The following GINM1 variants were observed in gnomAD, a reference collection of about 807,000 sequenced individuals.
GINM1 encodes glycoprotein integral membrane protein 1.
Under a neutral mutation model 37.8 loss-of-function variants are expected in GINM1, and 29 were observed. The ratio of observed to expected loss-of-function variants is 0.77; its 90% CI spans 0.57 to 1.05. The LOEUF is 1.05. GINM1 is among the 50% of genes least tolerant of loss of function. The pLI, the probability that GINM1 is intolerant of heterozygous loss-of-function variation, is 0.00. For synonymous variants in GINM1, 143 were observed against 146.2 expected, an observed-to-expected ratio of 0.98 and a Z score of 0.16; for missense variants, 377 against 397.9, an observed-to-expected ratio of 0.95 and a Z score of 0.45.
chr6:149,591,013 G>A lies in GINM1; in HGVS notation c.*175G>A, dbSNP rs1023925635. Reference sequence around the variant, plus strand: ...CCAAGTTAAAGTTTACCTTATTCTCGGCCGGGTGCAGTGGCTCATGCCTGT... The same window carrying A: ...CCAAGTTAAAGTTTACCTTATTCTCAGCCGGGTGCAGTGGCTCATGCCTGT... On this transcript the variant is annotated 3_prime_UTR_variant, in exon 8 of 8. Coordinates refer to ENST00000367419, the MANE Select transcript of GINM1 (RefSeq NM_138785.5). 20 of 532,390 alleles carry A rather than the reference G, an allele frequency of 3.8e-5. 1 individual carries two copies. Among genetic ancestry groups the A allele is most frequent in the South Asian group, 9.6e-5 (4 of 41,758 alleles). The allele number at this position is 532,390 out of a possible 1,614,324, so 33.0% of individuals were successfully genotyped here. A position where few individuals can be genotyped will look rare whatever the true frequency, so the allele number is the denominator to read the frequency against.
At chr6:149,569,336 A>C (rs1418989775) in intron 1 of GINM1, among the ~76,000 whole-genome samples, 77 of 96,580 alleles carry the variant, frequency 8.0e-4, no homozygotes, top group Non-Finnish European at 1.4e-3. Context: ...GCGCCCGGTC[A>C]CTTTTTTTTT....
chr6:149,582,764 C>A (rs184009949), intron 7 of GINM1, among the ~76,000 whole-genome samples, 161 bp downstream of exon 7: 8 of 152,196 alleles, frequency 5.3e-5, no homozygotes, highest in Admixed American at 5.2e-4. Flanking sequence ...CCAATGTTAG[C>A]AAAATTGAAA....
intron 3 of GINM1, chr6:149,576,271 T>A (rs1777912909): frequency 6.6e-6 from 1 of 152,164 alleles, no homozygotes; most frequent in African/African-American, 2.4e-5. Context: ...GTTGAAGGTC[T>A]TCCTCAGTTC....
chr6:149,574,099 G>T (rs1777873560), intron 3 of GINM1, among the ~76,000 whole-genome samples: 1 of 145,242 alleles, frequency 6.9e-6, no homozygotes, highest in Admixed American at 7.0e-5. Context: ...TGTCCAGGCT[G>T]GAATGCAGTG....
At chr6:149,567,383 T>C (rs934861646) in intron 1 of GINM1, among the ~76,000 whole-genome samples, 13 of 152,194 alleles carry the variant, frequency 8.5e-5, no homozygotes, top group African/African-American at 3.1e-4. Flanking sequence ...GGTACACCTC[T>C]TCCTAGTCAA....
chr6:149,583,486 T>C lies in GINM1; in HGVS notation c.881+883T>C, dbSNP rs1778029486. 4.0e-5 allele frequency among the ~76,000 whole-genome samples: 6 copies of C among 151,296 alleles called. No homozygotes were observed. In the South Asian group the frequency reaches 1.0e-3, roughly 26 times the overall value. ...TCAAAAAATAAAAATAAAAACTAGC[T>C]GGGCGTGTGGCACCCATCTGTAGTC... On this transcript the variant is annotated intron_variant, in intron 7 of 7. Transcript: ENST00000367419.
chr6:149,577,573 T>G (rs1285966726), intron 3 of GINM1: 2 of 152,336 alleles, frequency 1.3e-5, no homozygotes, highest in Non-Finnish European at 2.9e-5. Context: ...TCTGAATGGT[T>G]TGGCGGCGGG....
Position 149,566,622 on chromosome 6 carries a change from A to G in GINM1, c.120+88A>G. 3 of 1,356,302 alleles carry G rather than the reference A, an allele frequency of 2.2e-6. No homozygotes were observed. Among genetic ancestry groups the G allele is most frequent in the Non-Finnish European group, 1.9e-6 (2 of 1,050,842 alleles). 84.0% of individuals were successfully genotyped at this position (1,356,302 alleles called of 1,614,324 possible). A position where few individuals can be genotyped will look rare whatever the true frequency, so the allele number is the denominator to read the frequency against. The stretch of plus-strand genomic sequence containing the variant: ...TCCACAGTGACGCTTCCCACATCCC[A>G]CCGGCGGGCAGGGGCGGGGGTCCGG... On this transcript the variant is annotated intron_variant, in intron 1 of 7. Transcript: ENST00000367419. This position sits in a 1 kb window ranked among gnomAD's most constrained non-coding sequence, Gnocchi z 4.4.
intron 1 of GINM1, among the ~76,000 whole-genome samples, chr6:149,571,300 G>A (rs1057041783): frequency 2.8e-5 from 4 of 142,202 alleles, no homozygotes; most frequent in African/African-American, 8.1e-5. Context: ...GCAACAGAGC[G>A]AGACTCCCTC....
rs1324462711 is a variant in GINM1 at position 149,582,593 on chromosome 6, T to A, written c.871T>A (p.Ser291Thr). 2 of 1,576,062 alleles carry A rather than the reference T, an allele frequency of 1.3e-6. No individual in the cohort carries two copies. ...ITILKVFFPV[S>T]EYKGILQLDK... ...CATCTTAAAGGTGTTTTTCCCAGTT[T>A]CTGAATACAAGTAAGTATTTCTTAT... is the stretch of plus-strand genomic sequence containing the variant. The change falls in exon 7 of 8, where the codon TCT (serine) becomes ACT (threonine). Residue 291 changes from serine to threonine, a missense_variant. Transcript: ENST00000367419.
intron 1 of GINM1, among the ~76,000 whole-genome samples, chr6:149,570,459 A>G (rs35515786): frequency 0.027 from 4,058 of 152,026 alleles, 163 homozygotes; most frequent in African/African-American, 0.092. Context: ...GATCAAGGTG[A>G]GCCAGGAAAA....
intron 7 of GINM1, among the ~76,000 whole-genome samples, chr6:149,586,760 C>T (rs1377628907): frequency 6.6e-6 from 1 of 151,768 alleles, no homozygotes; most frequent in South Asian, 2.1e-4. Context: ...TTTTTTATTA[C>T]TTATTTTTGA....
intron 7 of GINM1, among the ~76,000 whole-genome samples, chr6:149,584,125 G>A (rs558434450): frequency 1.6e-3 from 237 of 152,104 alleles, no homozygotes; most frequent in African/African-American, 5.3e-3. Flanking sequence ...ACAGGCATGC[G>A]CCACCTTGCT....
chr6:149,583,104 G>A (rs1778024808), intron 7 of GINM1, among the ~76,000 whole-genome samples: 1 of 152,036 alleles, frequency 6.6e-6, no homozygotes, highest in East Asian at 1.9e-4. Flanking sequence ...CAAGGCAGGT[G>A]GATCATGAGG....
rs761125598 is a variant in GINM1 at position 149,572,580 on chromosome 6, G to A, written c.254G>A (p.Arg85Gln). The A allele has an allele frequency of 1.6e-5, 25 of 1,594,788 alleles. No individual in the cohort carries two copies. Among genetic ancestry groups the A allele is most frequent in the Non-Finnish European group, 2.1e-5 (24 of 1,163,468 alleles). The stretch of plus-strand genomic sequence containing the variant: ...TTACCTGTAAATAGTGGTGTAACCC[G>A]AATAAGCTGTCAGACTTTGATAGGT... ...NDLPVNSGVT[R>Q]ISCQTLIVKN... The change falls in exon 3 of 8, where the codon CGA becomes CAA. Residue 85 changes from arginine (R) to glutamine (Q), a missense_variant. Transcript: ENST00000367419.
intron 1 of GINM1, among the ~76,000 whole-genome samples, chr6:149,570,182 AT>A (rs1777794575): frequency 1.9e-5 from 2 of 106,588 alleles, no homozygotes; most frequent in Non-Finnish European, 3.9e-5. Context: ...ATATATATAT[AT>A]ATATATATAT....
At chr6:149,579,788 C>CATAAAATTTTTTA (rs749675442) in intron 4 of GINM1, 46 bp from the exon 5 acceptor site, 1 of 1,230,350 alleles carries the variant, frequency 8.1e-7, no homozygotes. Flanking sequence ...TTTTATGGGG[C>CATAAAATTTTTTA]TGTGCTACTA....
At chr6:149,583,435 T>G (rs898014452) in intron 7 of GINM1, among the ~76,000 whole-genome samples, 6 of 151,272 alleles carry the variant, frequency 4.0e-5, no homozygotes, top group Admixed American at 2.0e-4. Context: ...TGCACTCCAG[T>G]CTGGGCGACA....
At chr6:149,570,134 TTTTATATATATATATATATATATA>T (rs1422056727) in intron 1 of GINM1, among the ~76,000 whole-genome samples, 83 of 96,132 alleles carry the variant, frequency 8.6e-4, no homozygotes, top group Middle Eastern at 5.1e-3. Flanking sequence ...ACTAGGTAGG[TTTTATATATATATATATATATATA>T]TATATATATA....
Sources: allele counts gnomAD v4.1 joint callset (sites outside exome capture counted in the v4.1 genomes callset), GRCh38; gene constraint gnomAD v4.1.1; non-coding constraint Gnocchi (gnomAD v3.1); transcripts MANE v1.5; gene names NCBI Gene and HGNC (gene_info 2026-07-23, HGNC 2026-07-21).